The following BMP5 variants were observed in gnomAD, a reference collection of about 807,000 sequenced individuals.
The protein encoded by BMP5 is bone morphogenetic protein 5.
BMP5 carries 23 observed loss-of-function variants against 46.6 expected under a neutral mutation model. That is an observed-to-expected ratio of 0.49 (90% CI 0.35 to 0.70). The LOEUF (loss-of-function observed/expected upper bound fraction) is 0.70, where lower values mean the gene tolerates loss of function less well. BMP5 is among the 30% of genes least tolerant of loss of function. BMP5 has a pLI of 0.00. For missense variants in BMP5, 545 were observed against 565.6 expected, an observed-to-expected ratio of 0.96 and a Z score of 0.37; for synonymous variants, 204 against 191.9, an observed-to-expected ratio of 1.06 and a Z score of -0.52.
intron 2 of BMP5, among the ~76,000 whole-genome samples, chr6:55,812,568 C>T (rs570462844): frequency 1.3e-5 from 2 of 152,262 alleles, no homozygotes; most frequent in African/African-American, 4.8e-5. Context: ...GGAAAGGAAA[C>T]TTTACATATG....
intron 3 of BMP5, among the ~76,000 whole-genome samples, chr6:55,790,463 T>C (rs993520432): frequency 3.3e-5 from 5 of 152,150 alleles, no homozygotes; most frequent in African/African-American, 1.2e-4. Context: ...AGTAGTAAGT[T>C]TAGTTCTTTT....
intron 3 of BMP5, among the ~76,000 whole-genome samples, chr6:55,790,348 C>T (rs534875838): frequency 2.1e-4 from 32 of 152,236 alleles, no homozygotes; most frequent in African/African-American, 6.0e-4. Flanking sequence ...CATTGTGCCA[C>T]GCACTGAGGG....
intron 1 of BMP5, among the ~76,000 whole-genome samples, chr6:55,846,276 A>G (rs569450004): frequency 1.3e-5 from 2 of 152,112 alleles, no homozygotes; most frequent in South Asian, 2.1e-4. Flanking sequence ...CAAATACTAC[A>G]TGCAGATAGG....
intron 6 of BMP5, among the ~76,000 whole-genome samples, chr6:55,756,208 T>A (rs758691273): frequency 3.9e-5 from 6 of 152,004 alleles, no homozygotes; most frequent in Non-Finnish European, 8.8e-5. Flanking sequence ...AATCCACATA[T>A]AATCCAATAC....
chr6:55,844,352 A>T (rs1220366301), intron 1 of BMP5, among the ~76,000 whole-genome samples: 1 of 152,024 alleles, frequency 6.6e-6, no homozygotes, highest in Non-Finnish European at 1.5e-5. Flanking sequence ...TAACACATCA[A>T]TCTAAAGATA....
intron 1 of BMP5, among the ~76,000 whole-genome samples, chr6:55,858,859 A>G (rs573369746): frequency 6.6e-6 from 1 of 152,302 alleles, no homozygotes; most frequent in Non-Finnish European, 1.5e-5. Context: ...CTGGAAACTA[A>G]CACAGGAATA....
At chr6:55,805,098 T>C (rs543583288) in intron 2 of BMP5, among the ~76,000 whole-genome samples, 3 of 152,214 alleles carry the variant, frequency 2.0e-5, no homozygotes, top group Non-Finnish European at 2.9e-5. Context: ...ATTCATCTTT[T>C]GATGAAATCT....
intron 4 of BMP5, among the ~76,000 whole-genome samples, chr6:55,760,906 A>G (rs562787430): frequency 6.6e-6 from 1 of 151,926 alleles, no homozygotes; most frequent in Non-Finnish European, 1.5e-5. Flanking sequence ...GAGAGATTAT[A>G]TATATATAAT....
At chr6:55,822,365 C>T (rs1582094123) in intron 1 of BMP5, among the ~76,000 whole-genome samples, 2 of 152,028 alleles carry the variant, frequency 1.3e-5, no homozygotes. Context: ...CTCTTTTTAT[C>T]CCAGTTTCTA....
Position 55,874,898 on chromosome 6 carries a change from T to C in BMP5, c.-33A>G, listed in dbSNP as rs1223089102. ...CAAAAGCAAAAGTTGATATTTTTAG[T>C]CCTTCTTGTCCTCTTAAAAAAAAAA... On this transcript the variant is annotated 5_prime_UTR_variant, in exon 1 of 7. Transcript: ENST00000370830. 1 of 1,589,450 alleles carries C rather than the reference T, an allele frequency of 6.3e-7. No individual in the cohort carries two copies. Among genetic ancestry groups the C allele is most frequent in the Non-Finnish European group, 8.5e-7 (1 of 1,173,010 alleles).
At chr6:55,869,213 T>G (rs1777723319) in intron 1 of BMP5, among the ~76,000 whole-genome samples, 1 of 152,160 alleles carries the variant, frequency 6.6e-6, no homozygotes, top group Non-Finnish European at 1.5e-5. Context: ...TTTTAGTGTG[T>G]AAGGATGAAA....
chr6:55,814,845 T>C (rs761582405), intron 2 of BMP5, among the ~76,000 whole-genome samples: 1 of 152,240 alleles, frequency 6.6e-6, no homozygotes, highest in South Asian at 2.1e-4. Context: ...AAAATTGAAA[T>C]ATGGCCAAGC....
In BMP5 at chr6:55,863,276, T is replaced by A. The variant is rs371903415; in HGVS notation, c.490+11100A>T. On this transcript the variant is annotated intron_variant, in intron 1 of 6. Transcript: ENST00000370830. ...TGCTTTTAAAAAATATAAGCCATTA[T>A]TATTGTTGTTGTTAAAAGTTGTATA... 2.6e-5 allele frequency among the ~76,000 whole-genome samples: 4 copies of A among 152,340 alleles called. No individual in the cohort carries two copies. The South Asian group carries it at 6.2e-4, about 24-fold the overall frequency.
chr6:55,765,889 T>G (rs774928396), intron 4 of BMP5, among the ~76,000 whole-genome samples: 13 of 152,142 alleles, frequency 8.5e-5, no homozygotes, highest in Non-Finnish European at 1.6e-4. Context: ...TTAGAGCTCC[T>G]TGATATAAAA....
intron 1 of BMP5, among the ~76,000 whole-genome samples, chr6:55,834,635 C>G (rs1372448330): frequency 6.6e-6 from 1 of 152,060 alleles, no homozygotes; most frequent in Non-Finnish European, 1.5e-5. Context: ...TACTAGCTGT[C>G]AAGGGAATAC....
At chr6:55,781,074 C>A (rs899601854) in intron 3 of BMP5, among the ~76,000 whole-genome samples, 3 of 152,082 alleles carry the variant, frequency 2.0e-5, no homozygotes, top group Non-Finnish European at 2.9e-5. Flanking sequence ...CACAAAAGCA[C>A]TTACTTTTTA....
chr6:55,874,558 G>A lies in BMP5; in HGVS notation c.308C>T (p.Ala103Val). 1 of 1,613,490 alleles carries A rather than the reference G, an allele frequency of 6.2e-7. No homozygotes were observed. The highest frequency in any genetic ancestry group is 1.3e-5 in the African/African-American group (1 of 74,958). ...CCCTCTGGTCTCTTCTGCCAAGGAT[G>A]CCCTTACTGAGTACTCCGACTCTTC... is the stretch of plus-strand genomic sequence containing the variant. ...NPEESEYSVRASLAEETRGAR... is the reference protein window; with the variant it reads ...NPEESEYSVRVSLAEETRGAR... Residue 103 changes from alanine to valine, a missense_variant, in exon 1 of 7, where the codon GCA becomes GTA. Transcript: ENST00000370830.
intron 1 of BMP5, among the ~76,000 whole-genome samples, chr6:55,820,489 C>G (rs1562054505): frequency 6.6e-6 from 1 of 152,082 alleles, no homozygotes; most frequent in Non-Finnish European, 1.5e-5. Flanking sequence ...ATGATCACCG[C>G]TCACTGACGC....
At chr6:55,834,870 C>T (rs1776752105) in intron 1 of BMP5, among the ~76,000 whole-genome samples, 1 of 152,104 alleles carries the variant, frequency 6.6e-6, no homozygotes, top group South Asian at 2.1e-4. Flanking sequence ...CACCTGAGGT[C>T]AGAAGTTCGA....
Sources: allele counts gnomAD v4.1 joint callset (sites outside exome capture counted in the v4.1 genomes callset), GRCh38; gene constraint gnomAD v4.1.1; transcripts MANE v1.5; gene names NCBI Gene and HGNC (gene_info 2026-07-23, HGNC 2026-07-21).